Variants in PCCA observed in about 807,000 individuals in gnomAD.
The protein encoded by PCCA is propionyl-CoA carboxylase subunit alpha.
Under a neutral mutation model 101.3 loss-of-function variants are expected in PCCA, and 74 were observed. The observed-to-expected ratio is 0.73, with a 90% confidence interval of 0.61 to 0.89. The LOEUF is 0.89. Ranked by LOEUF, PCCA falls within the 40% of genes least tolerant of loss-of-function variation. The pLI, the probability that PCCA is intolerant of heterozygous loss-of-function variation, is 0.00. For synonymous variants in PCCA, 294 were observed against 313.6 expected (o/e 0.94, Z 0.66); for missense variants, 891 against 907.0 (o/e 0.98, Z 0.23).
At chr13:100,234,755 T>C (rs1409086555) in intron 7 of PCCA, among the ~76,000 whole-genome samples, 1 of 151,982 alleles carries the variant, frequency 6.6e-6, no homozygotes, top group Non-Finnish European at 1.5e-5. Flanking sequence ...CGTATTAGCT[T>C]AAAAGCTTAA....
At chr13:100,209,628 C>T (rs533460588) in intron 7 of PCCA, among the ~76,000 whole-genome samples, 165 bp downstream of exon 7, 1 of 152,026 alleles carries the variant, frequency 6.6e-6, no homozygotes, top group East Asian at 1.9e-4. Flanking sequence ...AGTGTTTTTA[C>T]ATTTATTTAT....
chr13:100,495,155 C>A (rs931349965), intron 21 of PCCA, among the ~76,000 whole-genome samples: 5 of 151,974 alleles, frequency 3.3e-5, no homozygotes, highest in African/African-American at 1.2e-4. Flanking sequence ...GCTAACCGTC[C>A]CACCCAACAC....
At chr13:100,105,669 A>C (rs1375853515) in intron 2 of PCCA, among the ~76,000 whole-genome samples, 5 of 149,484 alleles carry the variant, frequency 3.3e-5, no homozygotes, top group East Asian at 2.0e-4. Flanking sequence ...AAAAAAAAAA[A>C]AAAAAAAAAA....
chr13:100,273,434 A>G (rs2063442297), intron 12 of PCCA, 88 bp downstream of exon 12: 5 of 1,032,624 alleles, frequency 4.8e-6, no homozygotes, highest in South Asian at 4.0e-5. Flanking sequence ...ATGTTAAAAA[A>G]TTAACTCCAT....
At chr13:100,454,994 A>C (rs1490678684) in intron 21 of PCCA, among the ~76,000 whole-genome samples, 1 of 152,190 alleles carries the variant, frequency 6.6e-6, no homozygotes. Context: ...ACCTAAGTGT[A>C]AGACTTGAAC....
intron 15 of PCCA, among the ~76,000 whole-genome samples, chr13:100,307,901 C>T (rs1296558768): frequency 6.6e-6 from 1 of 152,136 alleles, no homozygotes; most frequent in Middle Eastern, 3.2e-3. Context: ...CTCTGTCCGC[C>T]AGCCTGGAGT....
In PCCA at chr13:100,273,197, A is replaced by AT. The variant is rs573607437; in HGVS notation, c.923dup (p.Leu308PhefsTer35). 2.7e-5 allele frequency: 44 copies of AT among 1,612,092 alleles called. No homozygotes were observed. The highest frequency in any genetic ancestry group is 2.2e-4 in the East Asian group (10 of 44,856). On this transcript the variant is annotated frameshift_variant and splice_region_variant, in exon 12 of 24. Transcript: ENST00000376285. LOFTEE classifies it high-confidence loss of function. Reference sequence around the variant, plus strand: ...ACAAACATTTTTTTGTATATGTAGCATTTTTTTGGATGCGGAGACTCGAAG... The same window carrying AT: ...ACAAACATTTTTTTGTATATGTAGCATTTTTTTTGGATGCGGAGACTCGAAG...
chr13:100,147,534 A>G (rs1016378151), intron 4 of PCCA, among the ~76,000 whole-genome samples: 2 of 152,178 alleles, frequency 1.3e-5, no homozygotes, highest in African/African-American at 4.8e-5. Context: ...AGTGGAGATT[A>G]TTTCCCAACC....
chr13:100,299,684 T>C (rs75658880), intron 12 of PCCA, among the ~76,000 whole-genome samples: 1 of 152,354 alleles, frequency 6.6e-6, no homozygotes. Flanking sequence ...GTGAATAGTA[T>C]TGATGTAAAG....
At chr13:100,132,393 A>AT (rs1383582731) in intron 4 of PCCA, among the ~76,000 whole-genome samples, 3 of 151,048 alleles carry the variant, frequency 2.0e-5, no homozygotes, top group African/African-American at 4.9e-5. Flanking sequence ...TCACTATAGC[A>AT]TTGTCATTTC....
intron 19 of PCCA, among the ~76,000 whole-genome samples, chr13:100,416,195 T>G (rs1007900331): frequency 6.6e-6 from 1 of 152,078 alleles, no homozygotes; most frequent in African/African-American, 2.4e-5. Flanking sequence ...TCATGGTTTT[T>G]TTTTTTTTTC....
At chr13:100,368,793 T>G (rs1441076840) in intron 19 of PCCA, among the ~76,000 whole-genome samples, 2 of 152,220 alleles carry the variant, frequency 1.3e-5, no homozygotes, top group Non-Finnish European at 2.9e-5. Context: ...ACTCACTTTC[T>G]GATACTTGAT....
chr13:100,454,701 G>A (rs1468548678), intron 21 of PCCA, among the ~76,000 whole-genome samples: 2 of 152,090 alleles, frequency 1.3e-5, no homozygotes, highest in Admixed American at 6.6e-5. Context: ...ATGTTCAAAG[G>A]AGAGTTCAAT....
intron 8 of PCCA, 50 bp downstream of exon 8, chr13:100,235,928 A>G (rs2060774795): frequency 8.6e-7 from 1 of 1,157,182 alleles, no homozygotes; most frequent in East Asian, 2.3e-5. Context: ...TTCAGCAGAT[A>G]CGGTTGAGTC....
At chr13:100,281,962 A>G (rs936378750) in intron 12 of PCCA, among the ~76,000 whole-genome samples, 1 of 152,222 alleles carries the variant, frequency 6.6e-6, no homozygotes, top group African/African-American at 2.4e-5. Context: ...TACCTCTTAA[A>G]TGAGAGCTTG....
chr13:100,182,941 C>T (rs1416057818), intron 6 of PCCA, among the ~76,000 whole-genome samples: 1 of 152,046 alleles, frequency 6.6e-6, no homozygotes, highest in African/African-American at 2.4e-5. Flanking sequence ...AAGGGCAGTT[C>T]AGGAAAATCA....
At chr13:100,513,117 G>T (rs2086604044) in intron 21 of PCCA, among the ~76,000 whole-genome samples, 1 of 152,260 alleles carries the variant, frequency 6.6e-6, no homozygotes, top group Non-Finnish European at 1.5e-5. Context: ...CGCGCCCCGT[G>T]CAGCACAGCA....
At chr13:100,390,543 A>G (rs1280568597) in intron 19 of PCCA, among the ~76,000 whole-genome samples, 5 of 152,202 alleles carry the variant, frequency 3.3e-5, no homozygotes, top group Non-Finnish European at 7.3e-5. Flanking sequence ...AGGTATGCTA[A>G]AGATTTAAAG....
At chr13:100,357,169 C>G (rs1334062531) in intron 18 of PCCA, among the ~76,000 whole-genome samples, 1 of 152,120 alleles carries the variant, frequency 6.6e-6, no homozygotes, top group Non-Finnish European at 1.5e-5. Context: ...AACTTGTACA[C>G]TTCAGATGGG....
Sources: gnomAD v4.1 joint callset for allele counts (sites outside exome capture counted in the v4.1 genomes callset) on GRCh38, gnomAD v4.1.1 for gene constraint, MANE v1.5 for transcripts, NCBI Gene and HGNC (gene_info 2026-07-23, HGNC 2026-07-21) for gene names.